Variants in KCNMA1 observed in about 807,000 individuals in gnomAD.
KCNMA1 encodes Calcium-activated potassium channel subunit alpha-1.
KCNMA1 carries 29 observed loss-of-function variants against 140.0 expected under a neutral mutation model. The observed-to-expected ratio is 0.21, with a 90% CI of 0.15 to 0.28. KCNMA1 has a LOEUF of 0.28. Ranked by LOEUF, KCNMA1 falls within the 10% of genes least tolerant of loss-of-function variation. KCNMA1 has a pLI of 1.00. For missense variants in KCNMA1, 880 were observed against 1,602.2 expected, an observed-to-expected ratio of 0.55 and a Z score of 7.70; for synonymous variants, 612 against 611.9, an observed-to-expected ratio of 1.00 and a Z score of 0.00.
In KCNMA1 at chr10:77,160,499, C is replaced by A. The variant is rs1435856875; in HGVS notation, c.808+22922G>T. Among the ~76,000 whole-genome samples the A allele has an allele frequency of 2.0e-5, 3 of 152,194 alleles. No individual in the cohort carries two copies. In the East Asian group the frequency reaches 5.8e-4, roughly 29 times the overall value. On this transcript the variant is annotated intron_variant, in intron 5 of 27. Transcript: ENST00000286628. ...TAACTCATCCCATCTGAATACAGGCCTAACTAATTGGCGTGCACTGAGGGA... is the reference window on the plus strand; with the variant it reads ...TAACTCATCCCATCTGAATACAGGCATAACTAATTGGCGTGCACTGAGGGA...
At chr10:77,104,127 G>C (rs550345018) in intron 9 of KCNMA1, among the ~76,000 whole-genome samples, 16 of 152,334 alleles carry the variant, frequency 1.1e-4, no homozygotes, top group Admixed American at 8.5e-4. Flanking sequence ...TCCAAATGGA[G>C]ATGATGGTAA....
At chr10:77,628,711 TA>T (rs1567967031) in intron 1 of KCNMA1, among the ~76,000 whole-genome samples, 1 of 151,514 alleles carries the variant, frequency 6.6e-6, no homozygotes, top group Non-Finnish European at 1.5e-5. Flanking sequence ...CTTCCCCAAG[TA>T]AAAGTCAACT....
intron 3 of KCNMA1, among the ~76,000 whole-genome samples, chr10:77,193,054 T>C (rs866696778): frequency 4.5e-4 from 68 of 152,088 alleles, no homozygotes; most frequent in Non-Finnish European, 4.0e-4. Context: ...TCCTAGTTTT[T>C]TTTTTTAGAG....
intron 2 of KCNMA1, among the ~76,000 whole-genome samples, chr10:77,307,657 C>A (rs184749733): frequency 1.8e-4 from 28 of 152,284 alleles, no homozygotes; most frequent in African/African-American, 6.3e-4. Context: ...GGCCATTCTC[C>A]TGCCTCAGCC....
chr10:77,451,803 T>C (rs1277709402), intron 1 of KCNMA1, among the ~76,000 whole-genome samples: 1 of 152,058 alleles, frequency 6.6e-6, no homozygotes, highest in African/African-American at 2.4e-5. Context: ...ATGTTTTTTC[T>C]CCCCAGGGCA....
intron 1 of KCNMA1, among the ~76,000 whole-genome samples, chr10:77,532,156 T>C (rs1379118596): frequency 2.0e-5 from 3 of 152,112 alleles, no homozygotes; most frequent in Admixed American, 6.5e-5. Flanking sequence ...GGGGGGAAAA[T>C]GCACTGAACT....
At chr10:76,869,668 T>A (rs1475685459) in exon 28 of KCNMA1, 1 of 152,652 alleles carries the variant, frequency 6.6e-6, no homozygotes, top group Non-Finnish European at 1.5e-5. Flanking sequence ...GTACAAGTTA[T>A]GTACAAACCC....
intron 5 of KCNMA1, among the ~76,000 whole-genome samples, chr10:77,128,075 G>T (rs1306856311): frequency 6.6e-6 from 1 of 152,010 alleles, no homozygotes; most frequent in African/African-American, 2.4e-5. Context: ...CTTAACAAAT[G>T]AAGCTAATTA....
At chr10:77,025,714 G>C (rs2093386306) in intron 16 of KCNMA1, among the ~76,000 whole-genome samples, 1 of 152,022 alleles carries the variant, frequency 6.6e-6, no homozygotes, top group Non-Finnish European at 1.5e-5. Flanking sequence ...GAAAATGTGA[G>C]AGGGAAAGAA....
At chr10:77,265,695 G>C (rs182396264) in intron 2 of KCNMA1, among the ~76,000 whole-genome samples, 219 of 152,260 alleles carry the variant, frequency 1.4e-3, no homozygotes, top group African/African-American at 4.7e-3. Context: ...TTTAATTAAA[G>C]TTGAAATATC....
At chr10:77,055,001 T>C (rs116177569) in intron 14 of KCNMA1, among the ~76,000 whole-genome samples, 1,898 of 152,268 alleles carry the variant, frequency 0.012, 41 homozygotes, top group African/African-American at 0.042. Flanking sequence ...AGAATGATTA[T>C]TGAATATGCT....
intron 1 of KCNMA1, among the ~76,000 whole-genome samples, chr10:77,633,681 TG>T (rs769845770): frequency 1.3e-3 from 191 of 152,352 alleles, no homozygotes; most frequent in African/African-American, 3.9e-3. Flanking sequence ...GGCACAGCCA[TG>T]GAGACAACAT....
chr10:77,348,375 C>T (rs1213355111), intron 2 of KCNMA1, among the ~76,000 whole-genome samples: 2 of 152,168 alleles, frequency 1.3e-5, no homozygotes, highest in Admixed American at 6.5e-5. Flanking sequence ...CCATTGTCCT[C>T]GATCCTTTAT....
At chr10:77,200,008 T>TG (rs1031703901) in intron 3 of KCNMA1, among the ~76,000 whole-genome samples, 45 of 152,158 alleles carry the variant, frequency 3.0e-4, no homozygotes, top group African/African-American at 1.1e-3. Flanking sequence ...TGGAGTGCAG[T>TG]GGTGCGATCT....
intron 16 of KCNMA1, chr10:77,025,446 C>T: frequency 6.2e-7 from 1 of 1,602,662 alleles, no homozygotes; most frequent in Non-Finnish European, 8.5e-7. Context: ...GAGTGCATAC[C>T]GCTTTCGGCT....
intron 20 of KCNMA1, among the ~76,000 whole-genome samples, chr10:76,958,031 TA>T (rs1323945378): frequency 1.3e-5 from 2 of 152,234 alleles, no homozygotes; most frequent in Non-Finnish European, 2.9e-5. Context: ...CCACAGGGAC[TA>T]AATCAAAGTT....
chr10:77,508,222 C>T (rs1193712536), intron 1 of KCNMA1, among the ~76,000 whole-genome samples: 3 of 152,138 alleles, frequency 2.0e-5, no homozygotes, highest in African/African-American at 2.4e-5. Flanking sequence ...ATCACCCAGC[C>T]GGCAATGCAG....
At chr10:77,012,582 C>G in intron 17 of KCNMA1, 1 of 1,540,554 alleles carries the variant, frequency 6.5e-7, no homozygotes, top group Non-Finnish European at 8.8e-7. Flanking sequence ...AAACGAAAGC[C>G]ACGAGTCAGT....
chr10:77,401,730 T>A (rs1025381727), intron 2 of KCNMA1, among the ~76,000 whole-genome samples: 9 of 152,254 alleles, frequency 5.9e-5, no homozygotes, highest in African/African-American at 2.2e-4. Flanking sequence ...GATATGTTTT[T>A]ATTTTTTATA....
Sources: gnomAD v4.1 joint callset for allele counts (sites outside exome capture counted in the v4.1 genomes callset) on GRCh38, gnomAD v4.1.1 for gene constraint, MANE v1.5 for transcripts, NCBI Gene and HGNC (gene_info 2026-07-23, HGNC 2026-07-21) for gene names.